The following ASAP1 variants were observed in gnomAD, a reference collection of about 807,000 sequenced individuals.
ASAP1 encodes arf-GAP with SH3 domain, ANK repeat and PH domain-containing protein 1.
ASAP1 carries 43 observed loss-of-function variants against 145.2 expected under a neutral mutation model. The ratio of observed to expected loss-of-function variants is 0.30; its 90% CI spans 0.23 to 0.38. The LOEUF (loss-of-function observed/expected upper bound fraction) is 0.38, where lower values mean the gene tolerates loss of function less well. Ranked by LOEUF, ASAP1 falls within the 10% of genes least tolerant of loss-of-function variation. ASAP1 has a pLI of 1.00. For synonymous variants in ASAP1, 546 were observed against 515.5 expected, an observed-to-expected ratio of 1.06 and a Z score of -0.80; for missense variants, 1,018 against 1,355.3, an observed-to-expected ratio of 0.75 and a Z score of 3.91.
intron 3 of ASAP1, among the ~76,000 whole-genome samples, chr8:130,354,948 C>T (rs937290421): frequency 6.6e-6 from 1 of 152,194 alleles, no homozygotes; most frequent in African/African-American, 2.4e-5. Context: ...TGCAGTGGTG[C>T]GATCTTGGCT....
At chr8:130,305,327 T>C (rs1822926243) in intron 3 of ASAP1, among the ~76,000 whole-genome samples, 1 of 152,350 alleles carries the variant, frequency 6.6e-6, no homozygotes, top group Non-Finnish European at 1.5e-5. Context: ...TGCCACATTG[T>C]AGGTACTCAA....
rs2097407602 is a variant in ASAP1 at position 130,057,833 on chromosome 8, C to G, written c.3315+121G>C. On this transcript the variant is annotated intron_variant, in intron 29 of 29. Transcript: ENST00000518721. ...AATGGCTGTTGGGTGAGTGATGCAGCTGACAGGGTCCTTGTGCTCAAGAGC... is the reference window on the plus strand; with the variant it reads ...AATGGCTGTTGGGTGAGTGATGCAGGTGACAGGGTCCTTGTGCTCAAGAGC... The G allele has an allele frequency of 8.7e-6, 11 of 1,271,526 alleles. No homozygotes were observed. In the East Asian group the frequency reaches 2.6e-4, roughly 30 times the overall value. 78.8% of individuals were successfully genotyped at this position (1,271,526 alleles called of 1,614,324 possible). A position where few individuals can be genotyped will look rare whatever the true frequency, so the allele number is the denominator to read the frequency against.
chr8:130,127,810 G>A (rs567468973), intron 16 of ASAP1, 117 bp downstream of exon 16: 3 of 1,113,078 alleles, frequency 2.7e-6, no homozygotes, highest in African/African-American at 1.6e-5. Context: ...TACGTGTTTT[G>A]TGTGTGTATG....
At chr8:130,252,562 T>G (rs967243003) in intron 3 of ASAP1, among the ~76,000 whole-genome samples, 1 of 152,182 alleles carries the variant, frequency 6.6e-6, no homozygotes, top group Non-Finnish European at 1.5e-5. Flanking sequence ...CATGTTGCCT[T>G]GTGAACTGTA....
rs911850520 is a variant in ASAP1 at position 130,391,009 on chromosome 8, C to G, written c.59+10876G>C. 6.8e-5 allele frequency among the ~76,000 whole-genome samples: 10 copies of G among 147,330 alleles called. No individual in the cohort carries two copies. In the Admixed American group the frequency reaches 7.0e-4, roughly 10 times the overall value. ...ATATTCATAGCAGCATAATTCATAA[C>G]AACCAAAAGGTAGAAGCAAACACGT... On this transcript the variant is annotated intron_variant, in intron 2 of 29. Coordinates refer to ENST00000518721, the MANE Select transcript of ASAP1 (RefSeq NM_018482.4).
chr8:130,342,823 C>T (rs1023698220), intron 3 of ASAP1, among the ~76,000 whole-genome samples: 1 of 152,106 alleles, frequency 6.6e-6, no homozygotes, highest in Admixed American at 6.5e-5. Flanking sequence ...GCTCCAAGAA[C>T]CTGGTTGCCC....
chr8:130,199,846 C>CA (rs201005988), intron 5 of ASAP1, among the ~76,000 whole-genome samples: 5,310 of 152,278 alleles, frequency 0.035, 127 homozygotes, highest in Middle Eastern at 0.065. Context: ...CAAAAACAAA[C>CA]AAACAAACAG....
chr8:130,301,395 A>G, intron 3 of ASAP1, among the ~76,000 whole-genome samples: 1 of 152,194 alleles, frequency 6.6e-6, no homozygotes, highest in East Asian at 1.9e-4. Context: ...TCTGTTACCT[A>G]GTAGCATTTT....
At chr8:130,235,974 T>C (rs954161126) in intron 4 of ASAP1, among the ~76,000 whole-genome samples, 2 of 152,126 alleles carry the variant, frequency 1.3e-5, no homozygotes, top group South Asian at 4.1e-4. Flanking sequence ...TCAACAACTT[T>C]TTTTAATACC....
At chr8:130,139,067 C>T (rs1262895824) in intron 13 of ASAP1, among the ~76,000 whole-genome samples, 1 of 152,148 alleles carries the variant, frequency 6.6e-6, no homozygotes, top group East Asian at 1.9e-4. Context: ...GAGAACAACT[C>T]TTGCTACGAT....
At chr8:130,144,376 A>G (rs1367112143) in intron 13 of ASAP1, among the ~76,000 whole-genome samples, 1 of 152,232 alleles carries the variant, frequency 6.6e-6, no homozygotes, top group African/African-American at 2.4e-5. Flanking sequence ...TCTATGAGTT[A>G]GGTACTGTTC....
intron 2 of ASAP1, among the ~76,000 whole-genome samples, chr8:130,380,413 T>G (rs550984308): frequency 1.4e-4 from 22 of 152,246 alleles, no homozygotes; most frequent in Admixed American, 7.2e-4. Context: ...AGCCTGAGCA[T>G]GCCAAAGAAA....
At chr8:130,149,498 T>C (rs2097641122) in intron 13 of ASAP1, among the ~76,000 whole-genome samples, 1 of 152,144 alleles carries the variant, frequency 6.6e-6, no homozygotes, top group Non-Finnish European at 1.5e-5. Flanking sequence ...TCACCTCTGG[T>C]GCAGACCTTG....
chr8:130,054,896 C>A, intron 29 of ASAP1, 91 bp from the exon 30 acceptor site: 1 of 1,005,312 alleles, frequency 9.9e-7, no homozygotes, highest in East Asian at 2.4e-5. Flanking sequence ...CTAGTCTGCC[C>A]ACAGACCTGG....
chr8:130,369,960 T>C (rs1225634092), intron 2 of ASAP1, among the ~76,000 whole-genome samples: 1 of 152,128 alleles, frequency 6.6e-6, no homozygotes, highest in African/African-American at 2.4e-5. Flanking sequence ...TGAGAGGTAA[T>C]TAAGTCATGA....
At chr8:130,298,305 A>G (rs965633368) in intron 3 of ASAP1, among the ~76,000 whole-genome samples, 2 of 152,200 alleles carry the variant, frequency 1.3e-5, no homozygotes, top group African/African-American at 4.8e-5. Flanking sequence ...TACAACATAG[A>G]TGAAGACTCC....
At position 130,179,314 on chromosome 8, in the gene ASAP1, CT is replaced by C; in HGVS notation, c.695del (p.Lys232ArgfsTer10). 1 of 1,610,068 alleles carries C rather than the reference CT, an allele frequency of 6.2e-7. No individual in the cohort carries two copies. The highest frequency in any genetic ancestry group is 8.5e-7 in the Non-Finnish European group (1 of 1,176,356). On this transcript the variant is annotated frameshift_variant, in exon 9 of 30. Coordinates refer to ENST00000518721, the MANE Select transcript of ASAP1 (RefSeq NM_018482.4). LOFTEE classifies it high-confidence loss of function. ...LIKVNEIKTKKGVDLLQNLIK... is the reference protein window; with the variant it reads ...LIKVNEIKTKXGVDLLQNLIK... ...TAAGATTCTGCAGCAGATCCACACC[CT>C]TTTTGGTCTTGATTTCATTAACTTT...
intron 1 of ASAP1, among the ~76,000 whole-genome samples, chr8:130,423,206 C>T (rs1439529513): frequency 3.9e-5 from 6 of 152,086 alleles, no homozygotes; most frequent in South Asian, 2.1e-4. Context: ...CAGGTTCAAG[C>T]GATTCTCCTG....
chr8:130,339,656 G>A (rs534950596), intron 3 of ASAP1, among the ~76,000 whole-genome samples: 1 of 152,244 alleles, frequency 6.6e-6, no homozygotes, highest in Non-Finnish European at 1.5e-5. Flanking sequence ...AAAACACAAT[G>A]CTATAATCAG....
Sources: gnomAD v4.1 joint callset for allele counts (sites outside exome capture counted in the v4.1 genomes callset) on GRCh38, gnomAD v4.1.1 for gene constraint, MANE v1.5 for transcripts, NCBI Gene and HGNC (gene_info 2026-07-23, HGNC 2026-07-21) for gene names.